BMPR1A: variants seen among roughly 807,000 people sequenced by gnomAD.
The protein encoded by BMPR1A is bone morphogenetic protein receptor type 1A, also known as bone morphogenetic protein receptor type-1A.
BMPR1A carries 7 observed loss-of-function variants against 66.0 expected under a neutral mutation model. The observed-to-expected ratio is 0.11, with a 90% CI of 0.06 to 0.20. The LOEUF (loss-of-function observed/expected upper bound fraction) is 0.20, where lower values mean the gene tolerates loss of function less well. Ranked by LOEUF, BMPR1A falls within the 10% of genes least tolerant of loss-of-function variation. BMPR1A has a pLI of 1.00. For missense variants in BMPR1A, 408 were observed against 669.1 expected, an observed-to-expected ratio of 0.61 and a Z score of 4.31; for synonymous variants, 200 against 229.7, an observed-to-expected ratio of 0.87 and a Z score of 1.17.
At chr10:86,813,850 T>C (rs1264669356) in intron 1 of BMPR1A, among the ~76,000 whole-genome samples, 7 of 152,192 alleles carry the variant, frequency 4.6e-5, no homozygotes, top group Non-Finnish European at 1.0e-4. Context: ...CTAGTAGATA[T>C]CTCTAGAAGG....
At chr10:86,908,313 A>G (rs1195091341) in intron 7 of BMPR1A, among the ~76,000 whole-genome samples, 1 of 152,194 alleles carries the variant, frequency 6.6e-6, no homozygotes, top group Non-Finnish European at 1.5e-5. Context: ...TATCACATGT[A>G]CCCCCCAAAA....
rs77419555 is a variant in BMPR1A at position 86,852,100 on chromosome 10, G to A, written c.-153+13121G>A. On this transcript the variant is annotated intron_variant, in intron 2 of 12. Coordinates refer to ENST00000372037, the MANE Select transcript of BMPR1A (RefSeq NM_004329.3). ...CCTTGCCTTTAAAAAAGAAAAGTCTGAAATACCCCTCACAACTGTTAAAAA... is the reference window on the plus strand; with the variant it reads ...CCTTGCCTTTAAAAAAGAAAAGTCTAAAATACCCCTCACAACTGTTAAAAA... Among the ~76,000 whole-genome samples the A allele has an allele frequency of 8.8e-3, 1,312 of 148,720 alleles. 25 individuals are homozygous for A. Among genetic ancestry groups the A allele is most frequent in the South Asian group, 0.081 (380 of 4,716 alleles).
chr10:86,822,849 C>G (rs1242755382), intron 1 of BMPR1A, among the ~76,000 whole-genome samples: 2 of 151,768 alleles, frequency 1.3e-5, no homozygotes, highest in Non-Finnish European at 2.9e-5. Flanking sequence ...AGGCTGGTCT[C>G]GAACTCCTGA....
intron 1 of BMPR1A, among the ~76,000 whole-genome samples, chr10:86,825,321 A>C (rs544767548): frequency 3.3e-5 from 5 of 152,266 alleles, no homozygotes; most frequent in African/African-American, 1.2e-4. Flanking sequence ...TAGCAGTGTA[A>C]AATAAAGTCT....
downstream of BMPR1A, chr10:86,928,745 C>A (rs1208420712): frequency 6.6e-6 from 1 of 152,010 alleles, no homozygotes; most frequent in African/African-American, 2.4e-5. Flanking sequence ...ACCTCTGCCC[C>A]CTGGGTTCAA....
intron 1 of BMPR1A, among the ~76,000 whole-genome samples, chr10:86,788,541 A>C (rs1841550928): frequency 6.6e-6 from 1 of 152,204 alleles, no homozygotes; most frequent in South Asian, 2.1e-4. Flanking sequence ...TCAATTTCCA[A>C]ATCCTAAACT....
chr10:86,783,575 G>A (rs775817841), intron 1 of BMPR1A, among the ~76,000 whole-genome samples: 23 of 152,024 alleles, frequency 1.5e-4, no homozygotes, highest in Non-Finnish European at 2.6e-4. Flanking sequence ...TTATTTTTAA[G>A]TATTTTATTT....
Position 86,925,470 on chromosome 10 carries a change from C to T in BMPR1A, c.*1751C>T, listed in dbSNP as rs1843726502. 4.7e-6 allele frequency: 1 copy of T among 211,874 alleles called. No homozygotes were observed. Among genetic ancestry groups the T allele is most frequent in the African/African-American group, 2.3e-5 (1 of 44,098 alleles). 13.1% of individuals were successfully genotyped at this position (211,874 alleles called of 1,614,324 possible). A position where few individuals can be genotyped will look rare whatever the true frequency, so the allele number is the denominator to read the frequency against. ...CAAATTTCACAAATTTGAAAATTGC[C>T]TTAACCATTTTGATTAATAAGTTTC... On this transcript the variant is annotated 3_prime_UTR_variant, in exon 13 of 13. Coordinates refer to ENST00000372037, the MANE Select transcript of BMPR1A (RefSeq NM_004329.3).
At chr10:86,890,719 C>T (rs1454583464) in intron 4 of BMPR1A, among the ~76,000 whole-genome samples, 2 of 152,134 alleles carry the variant, frequency 1.3e-5, no homozygotes, top group African/African-American at 4.8e-5. Flanking sequence ...CTAGGGTGAG[C>T]TGCCACACCT....
chr10:86,773,331 G>A (rs1841294548), intron 1 of BMPR1A, among the ~76,000 whole-genome samples: 1 of 152,106 alleles, frequency 6.6e-6, no homozygotes, highest in Non-Finnish European at 1.5e-5. Flanking sequence ...GCTCACGCCT[G>A]TGATCCCAGC....
intron 1 of BMPR1A, among the ~76,000 whole-genome samples, chr10:86,835,006 G>A (rs147570819): frequency 1.4e-3 from 208 of 152,150 alleles, no homozygotes; most frequent in African/African-American, 4.8e-3. Flanking sequence ...AGGAAAAAAT[G>A]TGCAATCAGT....
chr10:86,781,857 CTTTTTTTTTTT>C (rs1162095658), intron 1 of BMPR1A, among the ~76,000 whole-genome samples: 1 of 84,226 alleles, frequency 1.2e-5, no homozygotes, highest in Non-Finnish European at 2.2e-5. Context: ...GACAGGATTT[CTTTTTTTTTTT>C]TTTTTTTTTT....
intron 1 of BMPR1A, among the ~76,000 whole-genome samples, chr10:86,759,506 G>A (rs1306104880): frequency 6.6e-6 from 1 of 152,012 alleles, no homozygotes; most frequent in Non-Finnish European, 1.5e-5. Flanking sequence ...TGCCTCTTTG[G>A]TGTTCTTTAT....
At chr10:86,768,394 T>A (rs1841201358) in intron 1 of BMPR1A, among the ~76,000 whole-genome samples, 1 of 152,122 alleles carries the variant, frequency 6.6e-6, no homozygotes, top group African/African-American at 2.4e-5. Context: ...CATGTGTTTG[T>A]TCCTATCGTA....
rs140440137 is a variant in BMPR1A, at chr10:86,837,231, C to CTGTGTGTGTGTGTGTG, written c.-267-1619_-267-1618insGTGTGTGTGTGTGTGT. Among the ~76,000 whole-genome samples, 1,092 of 143,710 alleles carry CTGTGTGTGTGTGTGTG rather than the reference C, an allele frequency of 7.6e-3. 34 individuals carry two copies. In the East Asian group the frequency reaches 0.11, roughly 14 times the overall value. 94.3% of individuals were successfully genotyped at this position (143,710 alleles called of 152,430 possible). A position where few individuals can be genotyped will look rare whatever the true frequency, so the allele number is the denominator to read the frequency against. On this transcript the variant is annotated intron_variant, in intron 1 of 12. Transcript: ENST00000372037. ...AATATCTGGCAGAATTAGAATCAGG[C>CTGTGTGTGTGTGTGTG]TGTGTGTGTGTGTGTCTGTGTGTGT...
At chr10:86,859,781 G>C (rs974395772) in intron 2 of BMPR1A, among the ~76,000 whole-genome samples, 8 of 152,126 alleles carry the variant, frequency 5.3e-5, no homozygotes, top group Admixed American at 2.6e-4. Context: ...CTGCACTCCA[G>C]CCTGGGCGAC....
At chr10:86,931,537 A>G (rs1843811148), downstream of BMPR1A, 1 of 151,832 alleles carries the variant, frequency 6.6e-6, no homozygotes, top group Admixed American at 6.6e-5. Flanking sequence ...AATTTTTATT[A>G]CTTGATCCTG....
At chr10:86,893,076 CTAGGT>C (rs1843175642) in intron 5 of BMPR1A, among the ~76,000 whole-genome samples, 1 of 151,722 alleles carries the variant, frequency 6.6e-6, no homozygotes, top group Non-Finnish European at 1.5e-5. Flanking sequence ...TTAAATCATC[CTAGGT>C]TGTCATGACT....
intron 10 of BMPR1A, 27 bp downstream of exon 10, chr10:86,919,496 T>G: frequency 6.2e-7 from 1 of 1,610,722 alleles, no homozygotes; most frequent in Non-Finnish European, 8.5e-7. Context: ...CCCACTGTTT[T>G]GAAATTATTT....
Sources: gnomAD v4.1 joint callset for allele counts (sites outside exome capture counted in the v4.1 genomes callset) on GRCh38, gnomAD v4.1.1 for gene constraint, MANE v1.5 for transcripts, NCBI Gene and HGNC (gene_info 2026-07-23, HGNC 2026-07-21) for gene names.